NRXN1: variants seen among roughly 807,000 people sequenced by gnomAD.
NRXN1 encodes neurexin-1.
Under a neutral mutation model 150.9 loss-of-function variants are expected in NRXN1, and 39 were observed. That is an observed-to-expected ratio of 0.26 (90% confidence interval 0.20 to 0.34). The LOEUF (loss-of-function observed/expected upper bound fraction) is 0.34. Among genes scored for constraint, NRXN1 ranks in the 10% least tolerant of loss-of-function variants. The pLI is 1.00. For missense variants in NRXN1, 1,815 were observed against 1,949.9 expected (o/e 0.93, Z 1.30); for synonymous variants, 924 against 757.0 (o/e 1.22, Z -3.62).
intron 5 of NRXN1, among the ~76,000 whole-genome samples, chr2:50,735,541 A>C (rs1698631666): frequency 6.6e-6 from 1 of 152,156 alleles, no homozygotes; most frequent in African/African-American, 2.4e-5. Flanking sequence ...CTCAGAATAT[A>C]CCATATCCCA....
chr2:50,173,256 AC>A, intron 18 of NRXN1, among the ~76,000 whole-genome samples: 1 of 152,326 alleles, frequency 6.6e-6, no homozygotes, highest in African/African-American at 2.4e-5. Context: ...CAGACTATAA[AC>A]AAATAAATAC....
chr2:50,445,526 TC>T (rs777089610), intron 17 of NRXN1, among the ~76,000 whole-genome samples: 1 of 152,110 alleles, frequency 6.6e-6, no homozygotes, highest in Non-Finnish European at 1.5e-5. Flanking sequence ...TTTATTATCC[TC>T]CCAATTTGTG....
intron 19 of NRXN1, among the ~76,000 whole-genome samples, chr2:50,056,017 G>A (rs1004579071): frequency 2.0e-5 from 3 of 152,008 alleles, no homozygotes; most frequent in Admixed American, 6.6e-5. Flanking sequence ...GAGCACTTAC[G>A]AAGAATCTGA....
At chr2:50,376,118 C>T (rs763426785) in intron 17 of NRXN1, among the ~76,000 whole-genome samples, 3 of 151,548 alleles carry the variant, frequency 2.0e-5, no homozygotes, top group Non-Finnish European at 4.4e-5. Flanking sequence ...GTGAAAGGAT[C>T]ATCATTTTTA....
chr2:50,312,895 A>C, intron 17 of NRXN1: 1 of 441,268 alleles, frequency 2.3e-6, no homozygotes, highest in Non-Finnish European at 4.5e-6. Context: ...CTACATAAGC[A>C]ACTTGTTAGG....
Position 50,497,733 on chromosome 2 carries a change from T to A in NRXN1, c.2498-19A>T. On this transcript the variant is annotated intron_variant, in intron 13 of 22. Coordinates refer to ENST00000401669, the MANE Select transcript of NRXN1 (RefSeq NM_001330078.2). ...ATTTGACCTAAAAGAGAAGATAATA[T>A]ATGATTATTTTCTGTATCTGAAAGG... 5 of 1,574,936 alleles carry A rather than the reference T, an allele frequency of 3.2e-6. No individual in the cohort carries two copies. Among genetic ancestry groups the A allele is most frequent in the Non-Finnish European group, 4.3e-6 (5 of 1,159,792 alleles).
At chr2:51,026,469 T>G (rs747820384) in intron 2 of NRXN1, 1 of 1,590,906 alleles carries the variant, frequency 6.3e-7, no homozygotes, top group African/African-American at 1.3e-5. Flanking sequence ...GAATTTTATT[T>G]CTAAAGAGGA....
chr2:50,578,340 T>C (rs1201435591), intron 8 of NRXN1, among the ~76,000 whole-genome samples: 2 of 152,284 alleles, frequency 1.3e-5, no homozygotes, highest in East Asian at 1.9e-4. Flanking sequence ...AAAACAACGT[T>C]TGATAGGGGT....
chr2:50,621,096 A>G, intron 7 of NRXN1, 130 bp downstream of exon 7: 2 of 696,178 alleles, frequency 2.9e-6, no homozygotes, highest in East Asian at 2.9e-5. Context: ...CAAAGTAAGC[A>G]GAAGAGTACC....
chr2:50,552,565 C>T, intron 9 of NRXN1, 22 bp downstream of exon 9: 1 of 1,582,196 alleles, frequency 6.3e-7, no homozygotes, highest in Non-Finnish European at 8.7e-7. Context: ...AGATAAACAG[C>T]ATAGAAAAAT....
At chr2:50,434,379 G>A (rs530348004) in intron 17 of NRXN1, among the ~76,000 whole-genome samples, 175 of 152,128 alleles carry the variant, frequency 1.2e-3, no homozygotes, top group Non-Finnish European at 2.2e-3. Context: ...ACCTCGCCCG[G>A]CCATCTTTTG....
intron 7 of NRXN1, 89 bp from the exon 8 acceptor site, chr2:50,620,272 GT>G (rs1559030499): frequency 1.4e-6 from 2 of 1,382,828 alleles, no homozygotes; most frequent in Non-Finnish European, 9.8e-7. Context: ...TTTTGCTTTT[GT>G]TTTTTTGTTT....
At chr2:50,203,305 G>C (rs1025384933) in intron 18 of NRXN1, among the ~76,000 whole-genome samples, 2 of 152,136 alleles carry the variant, frequency 1.3e-5, no homozygotes, top group African/African-American at 2.4e-5. Context: ...ACCTAGTGTA[G>C]GAAACAAACT....
At position 50,108,374 on chromosome 2, in the gene NRXN1, G is replaced by C. The variant is rs77040883; in HGVS notation, c.3547-16880C>G. Among the ~76,000 whole-genome samples the C allele has an allele frequency of 2.0e-3, 311 of 152,040 alleles. 1 individual carries two copies. The highest frequency in any genetic ancestry group is 7.2e-3 in the African/African-American group (301 of 41,520). On this transcript the variant is annotated intron_variant, in intron 18 of 22. Coordinates refer to ENST00000401669, the MANE Select transcript of NRXN1 (RefSeq NM_001330078.2). ...GGTGCTTATATAATAACCGATTTTA[G>C]CTTTACAACTCTGAGGTAACCATTA...
At chr2:50,974,554 T>C (rs942694309) in intron 2 of NRXN1, among the ~76,000 whole-genome samples, 23 of 152,096 alleles carry the variant, frequency 1.5e-4, no homozygotes, top group Non-Finnish European at 4.4e-5. Flanking sequence ...CTCTAAACAG[T>C]CAGATTTTTA....
At chr2:50,756,458 G>C (rs1701166155) in intron 5 of NRXN1, among the ~76,000 whole-genome samples, 1 of 151,578 alleles carries the variant, frequency 6.6e-6, no homozygotes, top group South Asian at 2.1e-4. Context: ...AGCAAATATA[G>C]CACTTTCAAT....
chr2:50,403,954 G>A (rs1033846251), intron 17 of NRXN1, among the ~76,000 whole-genome samples: 5 of 152,060 alleles, frequency 3.3e-5, no homozygotes, highest in Admixed American at 6.6e-5. Flanking sequence ...TGTTGGAAGT[G>A]GACTGCTATA....
At chr2:50,728,472 G>C (rs1023541885) in intron 5 of NRXN1, among the ~76,000 whole-genome samples, 10 of 152,132 alleles carry the variant, frequency 6.6e-5, no homozygotes, top group African/African-American at 2.4e-4. Context: ...GTGTGTGTAT[G>C]TGTATGTAAA....
chr2:50,346,910 A>C lies in NRXN1; in HGVS notation c.3365-109940T>G. On this transcript the variant is annotated intron_variant, in intron 17 of 22. Transcript: ENST00000401669. The surrounding 1 kb of genome is among the most constrained non-coding windows in gnomAD (Gnocchi z 5.0). Reference sequence around the variant, plus strand: ...CCGCCGCCGCCGCCGCCCCCGGGCGAGCCCAGCTCGGCGCCGCACCGGAGC... The same window carrying C: ...CCGCCGCCGCCGCCGCCCCCGGGCGCGCCCAGCTCGGCGCCGCACCGGAGC... 7.8e-7 allele frequency: 1 copy of C among 1,279,534 alleles called. No homozygotes were observed. Among genetic ancestry groups the C allele is most frequent in the South Asian group, 2.6e-5 (1 of 39,164 alleles). The allele number at this position is 1,279,534 out of a possible 1,614,324, so 79.3% of individuals were successfully genotyped here.
Sources: allele counts gnomAD v4.1 joint callset (sites outside exome capture counted in the v4.1 genomes callset), GRCh38; gene constraint gnomAD v4.1.1; non-coding constraint Gnocchi (gnomAD v3.1); transcripts MANE v1.5; gene names NCBI Gene and HGNC (gene_info 2026-07-23, HGNC 2026-07-21).